Variants in RNF157 observed in about 807,000 individuals in gnomAD.
RNF157 encodes E3 ubiquitin ligase RNF157.
A neutral mutation model predicts 88.3 loss-of-function variants in RNF157; 55 were observed. The ratio of observed to expected loss-of-function variants is 0.62; its 90% CI spans 0.50 to 0.78. The LOEUF is 0.78. RNF157 is among the 30% of genes least tolerant of loss of function. The pLI is 0.00. For synonymous variants in RNF157, 334 were observed against 341.2 expected (o/e 0.98, Z 0.23); for missense variants, 788 against 860.8 (o/e 0.92, Z 1.06).
At position 76,240,212 on chromosome 17, in the gene RNF157, G is replaced by A. The variant is rs2145100540; in HGVS notation, c.29C>T (p.Ala10Val). Residue 10 changes from alanine to valine, a missense_variant, in exon 1 of 19, where the codon GCG (alanine) becomes GTG (valine). Coordinates refer to ENST00000269391, the MANE Select transcript of RNF157 (RefSeq NM_052916.3). The surrounding 1 kb of genome is among the most constrained non-coding windows in gnomAD (Gnocchi z 4.4). MGALTSRQH[A>V]GVEEVDIPSN... ...CGGGATGTCCACCTCCTCCACGCCC[G>A]CGTGCTGCCGGCTCGTCAGGGCCCC... 3 of 1,399,894 alleles carry A rather than the reference G, an allele frequency of 2.1e-6. No individual in the cohort carries two copies. Among genetic ancestry groups the A allele is most frequent in the Admixed American group, 2.3e-5 (1 of 43,816 alleles). 86.7% of individuals were successfully genotyped at this position (1,399,894 alleles called of 1,614,324 possible).
chr17:76,198,389 A>G (rs912628240), intron 2 of RNF157, among the ~76,000 whole-genome samples: 1 of 152,180 alleles, frequency 6.6e-6, no homozygotes. Flanking sequence ...GACCACAGTA[A>G]TTGATTCCAA....
chr17:76,185,744 C>T (rs1455102033), intron 2 of RNF157, among the ~76,000 whole-genome samples: 1 of 152,186 alleles, frequency 6.6e-6, no homozygotes, highest in Non-Finnish European at 1.5e-5. Flanking sequence ...GCTGGGATTA[C>T]AGGCGTGAGC....
At chr17:76,159,139 A>G (rs1384008359) in intron 12 of RNF157, among the ~76,000 whole-genome samples, 196 bp downstream of exon 12, 4 of 152,200 alleles carry the variant, frequency 2.6e-5, no homozygotes, top group African/African-American at 9.6e-5. Context: ...TTGTCTCATC[A>G]GAGTTTTCTT....
At chr17:76,187,935 G>A (rs769090303) in intron 2 of RNF157, among the ~76,000 whole-genome samples, 7 of 152,086 alleles carry the variant, frequency 4.6e-5, no homozygotes, top group Non-Finnish European at 1.0e-4. Flanking sequence ...ATGTAAAGAT[G>A]TGCGGAAACC....
intron 1 of RNF157, among the ~76,000 whole-genome samples, chr17:76,223,346 C>T (rs1018881272): frequency 6.6e-6 from 1 of 151,936 alleles, no homozygotes; most frequent in Non-Finnish European, 1.5e-5. Flanking sequence ...TGCCACCAAA[C>T]CTGGCTAATT....
intron 2 of RNF157, among the ~76,000 whole-genome samples, chr17:76,190,943 G>T (rs970654130): frequency 1.3e-5 from 2 of 151,904 alleles, no homozygotes; most frequent in African/African-American, 4.8e-5. Flanking sequence ...TGAATGCAGT[G>T]GCTCACACCT....
intron 2 of RNF157, among the ~76,000 whole-genome samples, chr17:76,197,817 G>A (rs1414597322): frequency 1.3e-5 from 2 of 152,214 alleles, no homozygotes; most frequent in Non-Finnish European, 2.9e-5. Flanking sequence ...TGAACTCTCA[G>A]CCTATACTAG....
chr17:76,181,262 T>C (rs1209184643), intron 2 of RNF157, among the ~76,000 whole-genome samples: 1 of 152,188 alleles, frequency 6.6e-6, no homozygotes, highest in Admixed American at 6.5e-5. Context: ...TACTGAATTC[T>C]GTGAAGGTTC....
At chr17:76,168,634 T>C (rs1568035204) in intron 3 of RNF157, among the ~76,000 whole-genome samples, 1 of 152,062 alleles carries the variant, frequency 6.6e-6, no homozygotes, top group African/African-American at 2.4e-5. Context: ...CCCTGGAATC[T>C]CTCTCCCCCT....
At position 76,175,219 on chromosome 17, in the gene RNF157, C is replaced by T. The variant is rs1293473139; in HGVS notation, c.208-1429G>A. ...ATTTTGATAACATTGCAGATAATAGCATACTTTAATCAATTCCATATTATT... is the reference window on the plus strand; with the variant it reads ...ATTTTGATAACATTGCAGATAATAGTATACTTTAATCAATTCCATATTATT... On this transcript the variant is annotated intron_variant, in intron 2 of 18. Coordinates refer to ENST00000269391, the MANE Select transcript of RNF157 (RefSeq NM_052916.3). Among the ~76,000 whole-genome samples, 7 of 152,242 alleles carry T rather than the reference C, an allele frequency of 4.6e-5. No homozygotes were observed. The East Asian group carries it at 1.4e-3, about 29-fold the overall frequency.
intron 1 of RNF157, among the ~76,000 whole-genome samples, chr17:76,219,223 A>G (rs1458115239): frequency 6.6e-6 from 1 of 151,992 alleles, no homozygotes; most frequent in Non-Finnish European, 1.5e-5. Context: ...TAACCATTAG[A>G]GAAAAATACA....
intron 1 of RNF157, among the ~76,000 whole-genome samples, chr17:76,232,190 CA>C (rs1201595975): frequency 1.6e-4 from 25 of 152,028 alleles, no homozygotes; most frequent in African/African-American, 6.0e-4. Flanking sequence ...CGAGACCAGC[CA>C]GGGCAACGTA....
chr17:76,162,535 T>G lies in RNF157; in HGVS notation c.792+17A>C. The G allele has an allele frequency of 6.2e-7, 1 of 1,600,040 alleles. No individual in the cohort carries two copies. The highest frequency in any genetic ancestry group is 8.6e-7 in the Non-Finnish European group (1 of 1,168,222). Reference sequence around the variant, plus strand: ...CCTCCTGGAAAGAGTACATTCAGAATTTTGGGTAAAACTTACCTTAGAATC... The same window carrying G: ...CCTCCTGGAAAGAGTACATTCAGAAGTTTGGGTAAAACTTACCTTAGAATC... On this transcript the variant is annotated intron_variant, in intron 9 of 18. Transcript: ENST00000269391.
At chr17:76,229,404 A>G (rs972397510) in intron 1 of RNF157, among the ~76,000 whole-genome samples, 1 of 152,244 alleles carries the variant, frequency 6.6e-6, no homozygotes, top group Non-Finnish European at 1.5e-5. Context: ...AATAGAGACA[A>G]TAATACTTCT....
intron 12 of RNF157, 115 bp from the exon 13 acceptor site, chr17:76,158,616 G>A (rs1296386152): frequency 1.4e-6 from 1 of 691,570 alleles, no homozygotes; most frequent in African/African-American, 1.8e-5. Context: ...TATTTTTTGA[G>A]ACAGCATCTC....
chr17:76,229,095 T>A (rs1352047444), intron 1 of RNF157, among the ~76,000 whole-genome samples: 3 of 152,148 alleles, frequency 2.0e-5, no homozygotes, highest in Non-Finnish European at 4.4e-5. Context: ...CCAAGTCTTG[T>A]CTCACACTTC....
At chr17:76,205,121 C>T (rs1268290446) in intron 2 of RNF157, among the ~76,000 whole-genome samples, 3 of 151,426 alleles carry the variant, frequency 2.0e-5, no homozygotes, top group South Asian at 2.1e-4. Context: ...CCCTCCCTTC[C>T]TCTTTTCTTT....
chr17:76,217,134 T>C (rs1323437230), intron 1 of RNF157, among the ~76,000 whole-genome samples: 1 of 152,150 alleles, frequency 6.6e-6, no homozygotes, highest in Non-Finnish European at 1.5e-5. Context: ...CAAGATTGTA[T>C]GAATTAAAAA....
chr17:76,206,562 G>A (rs1422272726), intron 2 of RNF157, among the ~76,000 whole-genome samples: 1 of 152,204 alleles, frequency 6.6e-6, no homozygotes, highest in Non-Finnish European at 1.5e-5. Flanking sequence ...CACTTTGGGA[G>A]GCCGAGGTGG....
Sources: allele counts gnomAD v4.1 joint callset (sites outside exome capture counted in the v4.1 genomes callset), GRCh38; gene constraint gnomAD v4.1.1; non-coding constraint Gnocchi (gnomAD v3.1); transcripts MANE v1.5; gene names NCBI Gene and HGNC (gene_info 2026-07-23, HGNC 2026-07-21).